Variants in BAZ2B observed in about 807,000 individuals in gnomAD.
BAZ2B encodes the protein bromodomain adjacent to zinc finger domain 2B, also known as bromodomain adjacent to zinc finger domain protein 2B.
Under a neutral mutation model 246.0 loss-of-function variants are expected in BAZ2B, and 91 were observed. That is an observed-to-expected ratio of 0.37 (90% CI 0.31 to 0.44). The LOEUF (loss-of-function observed/expected upper bound fraction) is 0.44. Ranked by LOEUF, BAZ2B falls within the 20% of genes least tolerant of loss-of-function variation. BAZ2B has a pLI of 1.00. For missense variants in BAZ2B, 2,332 were observed against 2,533.7 expected (o/e 0.92, Z 1.71); for synonymous variants, 855 against 860.0 (o/e 0.99, Z 0.10).
At chr2:159,531,579 T>G (rs1006528055) in intron 2 of BAZ2B, among the ~76,000 whole-genome samples, 11 of 152,212 alleles carry the variant, frequency 7.2e-5, no homozygotes, top group African/African-American at 2.7e-4. Context: ...AAAAGACTCC[T>G]GAATACTAGA....
At chr2:159,542,530 A>G (rs1201682349) in intron 2 of BAZ2B, among the ~76,000 whole-genome samples, 1 of 152,150 alleles carries the variant, frequency 6.6e-6, no homozygotes, top group Non-Finnish European at 1.5e-5. Context: ...CTAGCTATTC[A>G]GGAGGCTGAG....
At chr2:159,417,796 T>C (rs538444102) in intron 13 of BAZ2B, among the ~76,000 whole-genome samples, 1 of 152,300 alleles carries the variant, frequency 6.6e-6, no homozygotes, top group East Asian at 1.9e-4. Flanking sequence ...ACCACATTTT[T>C]AACAAGGACC....
intron 2 of BAZ2B, among the ~76,000 whole-genome samples, chr2:159,551,708 C>T (rs7589529): frequency 0.1 from 15,575 of 152,036 alleles, 1,753 homozygotes; most frequent in African/African-American, 0.28. Flanking sequence ...TATTTAGACA[C>T]CTTTAATCAA....
chr2:159,322,337 G>A (rs2062815825), intron 36 of BAZ2B, among the ~76,000 whole-genome samples: 1 of 152,140 alleles, frequency 6.6e-6, no homozygotes, highest in Admixed American at 6.5e-5. Context: ...TCACAACACT[G>A]TATTATCGTC....
chr2:159,535,445 T>G (rs2085862183), intron 2 of BAZ2B, among the ~76,000 whole-genome samples: 1 of 152,128 alleles, frequency 6.6e-6, no homozygotes, highest in African/African-American at 2.4e-5. Context: ...CTGCTTGAAC[T>G]CGGCAGGTGG....
At chr2:159,478,482 G>T in intron 3 of BAZ2B, 93 bp downstream of exon 3, 1 of 1,363,562 alleles carries the variant, frequency 7.3e-7, no homozygotes, top group Non-Finnish European at 9.8e-7. Flanking sequence ...GTCAATGCAA[G>T]TCATGAGAAT....
chr2:159,488,648 C>T lies in BAZ2B; in HGVS notation c.-2-9927G>A, dbSNP rs182676190. The stretch of plus-strand genomic sequence containing the variant: ...GTTTTTTATATGTTTCAGTCTATTT[C>T]AATTTTCCACATTAAAAAATATTAC... On this transcript the variant is annotated intron_variant, in intron 2 of 36. Coordinates refer to ENST00000392783, the MANE Select transcript of BAZ2B (RefSeq NM_013450.4). Among the ~76,000 whole-genome samples the T allele has an allele frequency of 3.3e-5, 5 of 152,176 alleles. No individual in the cohort carries two copies. In the East Asian group the frequency reaches 7.7e-4, roughly 23 times the overall value.
intron 31 of BAZ2B, among the ~76,000 whole-genome samples, chr2:159,346,756 T>C (rs2067909932): frequency 1.3e-5 from 2 of 152,052 alleles, no homozygotes; most frequent in African/African-American, 4.8e-5. Context: ...TCTAAACCTT[T>C]CATGCTTTTA....
chr2:159,316,520 T>A (rs1316255683), downstream of BAZ2B, among the ~76,000 whole-genome samples: 1 of 151,002 alleles, frequency 6.6e-6, no homozygotes, highest in East Asian at 1.9e-4. Flanking sequence ...TGAAACCCCG[T>A]CTCTACTAAA....
chr2:159,661,848 C>T, the BAZ2B span, among the ~76,000 whole-genome samples: 4 of 152,078 alleles, frequency 2.6e-5, no homozygotes, highest in South Asian at 4.1e-4. Flanking sequence ...TGCGCTCAAG[C>T]GATACTCCTG....
At chr2:159,683,706 T>G in the BAZ2B span, among the ~76,000 whole-genome samples, 3 of 152,200 alleles carry the variant, frequency 2.0e-5, no homozygotes, top group Non-Finnish European at 2.9e-5. Flanking sequence ...CTTGTTCCTT[T>G]CAGCTTCCAG....
At chr2:159,519,564 T>C (rs1158439525) in intron 2 of BAZ2B, among the ~76,000 whole-genome samples, 1 of 151,300 alleles carries the variant, frequency 6.6e-6, no homozygotes, top group Non-Finnish European at 1.5e-5. Flanking sequence ...GTTCTTATGC[T>C]AGATGAGAGC....
chr2:159,620,253 A>C (rs1696376639), upstream of BAZ2B, among the ~76,000 whole-genome samples: 1 of 152,232 alleles, frequency 6.6e-6, no homozygotes, highest in South Asian at 2.1e-4. Flanking sequence ...CAAACGAGAG[A>C]TCTCAACAGT....
the BAZ2B span, among the ~76,000 whole-genome samples, chr2:159,650,164 T>C: frequency 6.6e-6 from 1 of 152,168 alleles, no homozygotes; most frequent in African/African-American, 2.4e-5. Flanking sequence ...ATAAGAAGTT[T>C]TGGTATCCTT....
intron 1 of BAZ2B, among the ~76,000 whole-genome samples, chr2:159,572,986 C>T (rs1308055741): frequency 1.3e-5 from 2 of 151,810 alleles, no homozygotes; most frequent in African/African-American, 4.8e-5. Context: ...TCACTACCTG[C>T]TGGAAAATAA....
chr2:159,640,190 G>T, the BAZ2B span, among the ~76,000 whole-genome samples: 4 of 152,082 alleles, frequency 2.6e-5, no homozygotes, highest in African/African-American at 9.7e-5. Flanking sequence ...CACTGGAGCA[G>T]CCAGATATAT....
Position 159,438,636 on chromosome 2 carries a change from G to T in BAZ2B, c.960C>A (p.Ala320=), listed in dbSNP as rs560670915. 1 of 1,613,348 alleles carries T rather than the reference G, an allele frequency of 6.2e-7. No individual in the cohort carries two copies. The highest frequency in any genetic ancestry group is 1.1e-5 in the South Asian group (1 of 90,934). The change falls in exon 8 of 37, where the codon GCC becomes GCA. Residue 320 remains alanine, a synonymous_variant. Coordinates refer to ENST00000392783, the MANE Select transcript of BAZ2B (RefSeq NM_013450.4). ...KADGQKATEK[A]QEKRIHQPLP... ...ATGGCTGGTGTATTCTTTTTTCCTGGGCTTTTTCAGTTGCTTTCTGTCCAT... is the reference window on the plus strand; with the variant it reads ...ATGGCTGGTGTATTCTTTTTTCCTGTGCTTTTTCAGTTGCTTTCTGTCCAT...
chr2:159,511,711 AT>A (rs1292825618), intron 2 of BAZ2B, among the ~76,000 whole-genome samples: 4 of 152,202 alleles, frequency 2.6e-5, no homozygotes, highest in African/African-American at 9.6e-5. Flanking sequence ...ATACACTACT[AT>A]TTTTATGACT....
At chr2:159,434,049 G>A (rs1254419769) in intron 8 of BAZ2B, 1 of 152,036 alleles carries the variant, frequency 6.6e-6, no homozygotes. Flanking sequence ...CAGGAGCTGT[G>A]GCTCACTGCT....
Sources: gnomAD v4.1 joint callset for allele counts (sites outside exome capture counted in the v4.1 genomes callset) on GRCh38, gnomAD v4.1.1 for gene constraint, MANE v1.5 for transcripts, NCBI Gene and HGNC (gene_info 2026-07-23, HGNC 2026-07-21) for gene names.